SLC25A23: variants seen among roughly 807,000 people sequenced by gnomAD.
SLC25A23 encodes the protein mitochondrial adenyl nucleotide antiporter SLC25A23.
Under a neutral mutation model 53.9 loss-of-function variants are expected in SLC25A23, and 32 were observed. That is an observed-to-expected ratio of 0.59 (90% confidence interval 0.45 to 0.80). The LOEUF is 0.80. SLC25A23 is among the 30% of genes least tolerant of loss of function. The pLI is 0.00. For synonymous variants in SLC25A23, 275 were observed against 264.5 expected, an observed-to-expected ratio of 1.04 and a Z score of -0.38; for missense variants, 575 against 651.4, an observed-to-expected ratio of 0.88 and a Z score of 1.28.
Position 6,441,949 on chromosome 19 carries a change from G to A in SLC25A23, c.*26C>T, listed in dbSNP as rs757748707. ...AGTGGCTGAGGTGTGGGGGGTGAGG[G>A]ATTGGGGGGACGGGCTCCGGGTCCC... On this transcript the variant is annotated 3_prime_UTR_variant, in exon 10 of 10. Transcript: ENST00000301454. 4 of 1,609,476 alleles carry A rather than the reference G, an allele frequency of 2.5e-6. No homozygotes were observed. The highest frequency in any genetic ancestry group is 3.4e-6 in the Non-Finnish European group (4 of 1,177,440).
At chr19:6,436,209 GC>G, downstream of SLC25A23, 1 of 281,018 alleles carries the variant, frequency 3.6e-6, no homozygotes, top group South Asian at 3.4e-5. Flanking sequence ...GAACTCAGGA[GC>G]CGCTGAGCCG....
At position 6,459,498 on chromosome 19, in the gene SLC25A23, C is replaced by T. The variant is rs1269283637; in HGVS notation, c.131G>A (p.Gly44Asp). 7.5e-6 allele frequency: 12 copies of T among 1,593,396 alleles called. No homozygotes were observed. Among genetic ancestry groups the T allele is most frequent in the East Asian group, 2.3e-5 (1 of 43,612 alleles). ...CTGTTGGGCGCCGGGGTCTGGGTTG[C>T]CCCCGCCCAGCCTGGCCAGCCCCTG... ...LRQGLARLGG[G>D]NPDPGAQQGI... is the part of the protein sequence containing the mutation. Residue 44 changes from glycine to aspartate, a missense_variant, in exon 1 of 10, where the codon GGC becomes GAC. Physicochemically the swap from Gly to Asp is moderately conservative, Grantham distance 94. Coordinates refer to ENST00000301454, the MANE Select transcript of SLC25A23 (RefSeq NM_024103.3). This position sits in a 1 kb window ranked among gnomAD's most constrained non-coding sequence, Gnocchi z 4.6.
At position 6,456,471 on chromosome 19, in the gene SLC25A23, C is replaced by T. The variant is rs767094850; in HGVS notation, c.432G>A (p.Leu144=). ...CGTCCTCCACATTTTCCAGCGAATG[C>T]AACAGGAAGTGGTCGCGCCATTCTT... is the stretch of plus-strand genomic sequence containing the variant. The part of the protein sequence containing the change: ...DWQEWRDHFL[L]HSLENVEDVL... Residue 144 remains leucine, a synonymous_variant, in exon 4 of 10, where the codon TTG becomes TTA. Coordinates refer to ENST00000301454, the MANE Select transcript of SLC25A23 (RefSeq NM_024103.3). The T allele has an allele frequency of 6.2e-7, 1 of 1,613,900 alleles. No homozygotes were observed.
rs564835528 is a variant in SLC25A23, at chr19:6,440,349, T to C, written c.*1626A>G. 1 of 147,708 alleles carries C rather than the reference T, an allele frequency of 6.8e-6. No individual in the cohort carries two copies. Among genetic ancestry groups the C allele is most frequent in the Admixed American group, 6.7e-5 (1 of 15,014 alleles). 9.1% of individuals were successfully genotyped at this position (147,708 alleles called of 1,614,324 possible). On this transcript the variant is annotated 3_prime_UTR_variant, in exon 10 of 10. Coordinates refer to ENST00000301454, the MANE Select transcript of SLC25A23 (RefSeq NM_024103.3). ...TGGAATGAATTTGGGGATTTGGTGG[T>C]TTTTTTTTGTTTTTGTTTTTTGCAT...
Position 6,454,317 on chromosome 19 carries a change from C to T in SLC25A23, c.795+6G>A. ...CAAGCACATTCCTCCCTGTACCTGC[C>T]CTCACCTGTTCATAGGCCATGAACT... On this transcript the variant is annotated splice_donor_region_variant and intron_variant, in intron 6 of 9. Transcript: ENST00000301454. The surrounding 1 kb of genome is among the most constrained non-coding windows in gnomAD (Gnocchi z 4.3). 1 of 1,612,774 alleles carries T rather than the reference C, an allele frequency of 6.2e-7. No homozygotes were observed. The highest frequency in any genetic ancestry group is 8.5e-7 in the Non-Finnish European group (1 of 1,179,200).
At chr19:6,456,001 G>A (rs1263298285) in intron 4 of SLC25A23, 1 of 1,294,536 alleles carries the variant, frequency 7.7e-7, no homozygotes, top group Non-Finnish European at 1.0e-6. Context: ...TTTTAGGTGT[G>A]AGCCACTGCG....
chr19:6,442,004 T>G lies in SLC25A23; in HGVS notation c.1378A>C (p.Lys460Gln). ...SISYVVYENM[K>Q]QALGVTSR Reference sequence around the variant, plus strand: ...CTGGACGTGACCCCCAAGGCCTGCTTCATGTTCTCGTAGACCACATAGGAG... The same window carrying G: ...CTGGACGTGACCCCCAAGGCCTGCTGCATGTTCTCGTAGACCACATAGGAG... Residue 460 changes from lysine to glutamine, a missense_variant, in exon 10 of 10, where the codon AAG becomes CAG. Transcript: ENST00000301454. 1 of 1,613,888 alleles carries G rather than the reference T, an allele frequency of 6.2e-7. No homozygotes were observed. The highest frequency in any genetic ancestry group is 1.1e-5 in the South Asian group (1 of 91,066).
In SLC25A23 at chr19:6,459,690, TCCCCCTCCC is replaced by T. The variant is rs1197965292; in HGVS notation, c.-71_-63del. The T allele has an allele frequency of 8.2e-7, 1 of 1,213,560 alleles. No homozygotes were observed. Among genetic ancestry groups the T allele is most frequent in the Non-Finnish European group, 1.0e-6 (1 of 969,398 alleles). The allele number at this position is 1,213,560 out of a possible 1,614,324, so 75.2% of individuals were successfully genotyped here. On this transcript the variant is annotated 5_prime_UTR_variant, in exon 1 of 10. Coordinates refer to ENST00000301454, the MANE Select transcript of SLC25A23 (RefSeq NM_024103.3). This position sits in a 1 kb window ranked among gnomAD's most constrained non-coding sequence, Gnocchi z 4.6. ...GCGGCCTCAGTGGGGGCTTCGCGGCTCCCCCTCCCCCCCCGGGACCCCGCAGGGTCAGCT... is the reference window on the plus strand; with the variant it reads ...GCGGCCTCAGTGGGGGCTTCGCGGCTCCCCCGGGACCCCGCAGGGTCAGCT...
At chr19:6,436,421 C>T (rs1389026352), downstream of SLC25A23, 2 of 456,194 alleles carry the variant, frequency 4.4e-6, no homozygotes, top group Non-Finnish European at 8.8e-6. Context: ...GAGTTCCTTA[C>T]CACATGGTCC....
chr19:6,457,553 T>C lies in SLC25A23; in HGVS notation c.321A>G (p.Arg107=). 1 of 1,613,954 alleles carries C rather than the reference T, an allele frequency of 6.2e-7. No individual in the cohort carries two copies. Among genetic ancestry groups the C allele is most frequent in the Non-Finnish European group, 8.5e-7 (1 of 1,180,008 alleles). ...CCAGCGAGATGGAAATGCCCAGAGC[T>C]CGGAAACTCTGTTGGATCTCAGAGA... ...IDVSEIQQSF[R]ALGISISLEQ... Residue 107 remains arginine, a synonymous_variant, in exon 3 of 10, where the codon CGA becomes CGG. Transcript: ENST00000301454.
chr19:6,437,771 T>C (rs1288656302), downstream of SLC25A23, among the ~76,000 whole-genome samples: 3 of 143,758 alleles, frequency 2.1e-5, no homozygotes, highest in Non-Finnish European at 4.5e-5. Context: ...ATCGCGCCAG[T>C]GCACTCCAGC....
intron 9 of SLC25A23, chr19:6,443,593 C>T (rs1263506453): frequency 2.8e-6 from 2 of 702,700 alleles, no homozygotes; most frequent in Non-Finnish European, 5.2e-6. Context: ...TAGCATCTTC[C>T]TTCCTCTCCG....
downstream of SLC25A23, chr19:6,438,706 G>T (rs778258317): frequency 8.4e-6 from 2 of 237,720 alleles, no homozygotes; most frequent in Non-Finnish European, 1.8e-5. Context: ...AAAATTAGCC[G>T]GGTGTGGTGG....
chr19:6,440,887 TTCAGA>T lies in SLC25A23; in HGVS notation c.*1083_*1087del, dbSNP rs1225997608. 6.6e-6 allele frequency: 1 copy of T among 152,276 alleles called. No individual in the cohort carries two copies. Among genetic ancestry groups the T allele is most frequent in the Non-Finnish European group, 1.5e-5 (1 of 68,156 alleles). 9.4% of individuals were successfully genotyped at this position (152,276 alleles called of 1,614,324 possible). A position where few individuals can be genotyped will look rare whatever the true frequency, so the allele number is the denominator to read the frequency against. On this transcript the variant is annotated 3_prime_UTR_variant, in exon 10 of 10. Coordinates refer to ENST00000301454, the MANE Select transcript of SLC25A23 (RefSeq NM_024103.3). ...CATTTGGGACCCGGCGCCTGGAAGA[TTCAGA>T]TCAGAAACCGGGGATTCAGGGCTTG...
chr19:6,446,974 TA>T (rs1465647576), intron 8 of SLC25A23, among the ~76,000 whole-genome samples: 5 of 151,988 alleles, frequency 3.3e-5, no homozygotes, highest in Non-Finnish European at 4.4e-5. Context: ...TGAATGTATC[TA>T]CAAGCCAAAG....
rs1241853703 is a variant in SLC25A23, at chr19:6,442,701, A to G, written c.1223-542T>C. Among the ~76,000 whole-genome samples the G allele has an allele frequency of 4.6e-5, 7 of 152,088 alleles. No homozygotes were observed. In the East Asian group the frequency reaches 1.2e-3, roughly 25 times the overall value. ...GTAGCCGGGATTACAGGCATGCGCC[A>G]CCTTGCCCGGCTAATTTTTTTGTAT... is the stretch of plus-strand genomic sequence containing the variant. On this transcript the variant is annotated intron_variant, in intron 9 of 9. Coordinates refer to ENST00000301454, the MANE Select transcript of SLC25A23 (RefSeq NM_024103.3).
chr19:6,457,619 A>C lies in SLC25A23; in HGVS notation c.284-29T>G, dbSNP rs780884247. 2.5e-6 allele frequency: 4 copies of C among 1,602,212 alleles called. No individual in the cohort carries two copies. In the East Asian group the frequency reaches 6.7e-5, roughly 27 times the overall value. On this transcript the variant is annotated intron_variant, in intron 2 of 9. Coordinates refer to ENST00000301454, the MANE Select transcript of SLC25A23 (RefSeq NM_024103.3). ...GGGAGGGGGCCGGAGGTGGGGAAGG[A>C]TGTGCGTGTGAGGACACCTGGGGAA...
At chr19:6,447,988 T>C (rs1249001503) in intron 8 of SLC25A23, among the ~76,000 whole-genome samples, 1 of 152,102 alleles carries the variant, frequency 6.6e-6, no homozygotes, top group Admixed American at 6.6e-5. Context: ...CTCTATTTTA[T>C]AGAAAAGAAA....
At position 6,441,012 on chromosome 19, in the gene SLC25A23, A is replaced by T. The variant is rs2092413491; in HGVS notation, c.*963T>A. 6.6e-6 allele frequency: 1 copy of T among 152,140 alleles called. No individual in the cohort carries two copies. Among genetic ancestry groups the T allele is most frequent in the African/African-American group, 2.4e-5 (1 of 41,420 alleles). 9.4% of individuals were successfully genotyped at this position (152,140 alleles called of 1,614,324 possible). ...GAGGGATTGGGGACCCAGAATCTGG[A>T]ATCCAGCAGCTGCAGTTGCCAGGAT... is the stretch of plus-strand genomic sequence containing the variant. On this transcript the variant is annotated 3_prime_UTR_variant, in exon 10 of 10. Coordinates refer to ENST00000301454, the MANE Select transcript of SLC25A23 (RefSeq NM_024103.3).
Sources: gnomAD v4.1 joint callset for allele counts (sites outside exome capture counted in the v4.1 genomes callset) on GRCh38, gnomAD v4.1.1 for gene constraint, Gnocchi (gnomAD v3.1) non-coding constraint, MANE v1.5 for transcripts, NCBI Gene and HGNC (gene_info 2026-07-23, HGNC 2026-07-21) for gene names.